Variants in KCNB2 observed in about 807,000 individuals in gnomAD.
The protein encoded by KCNB2 is potassium voltage-gated channel subfamily B member 2.
KCNB2 carries 15 observed loss-of-function variants against 61.5 expected under a neutral mutation model. That is an observed-to-expected ratio of 0.24 (90% CI 0.16 to 0.38). The LOEUF is 0.38. Among genes scored for constraint, KCNB2 ranks in the 10% least tolerant of loss-of-function variants. The probability of loss-of-function intolerance (pLI) is 1.00; values close to 1 mark genes in which losing one functional copy is unlikely to be tolerated. For synonymous variants in KCNB2, 457 were observed against 446.0 expected (o/e 1.02, Z -0.31); for missense variants, 828 against 1,125.2 (o/e 0.74, Z 3.78).
chr8:72,853,504 C>T (rs1418639652), intron 2 of KCNB2, among the ~76,000 whole-genome samples: 2 of 152,216 alleles, frequency 1.3e-5, no homozygotes, highest in Non-Finnish European at 1.5e-5. Context: ...ACAAGAATCC[C>T]TGTCTCAGGC....
intron 2 of KCNB2, among the ~76,000 whole-genome samples, chr8:72,570,307 T>C (rs1806689187): frequency 6.6e-6 from 1 of 152,206 alleles, no homozygotes; most frequent in South Asian, 2.1e-4. Flanking sequence ...TGTTTCCACA[T>C]TGTTAATCAA....
chr8:72,773,546 G>A (rs1808597546), intron 2 of KCNB2, among the ~76,000 whole-genome samples: 1 of 152,186 alleles, frequency 6.6e-6, no homozygotes, highest in African/African-American at 2.4e-5. Flanking sequence ...CATGGTGGGA[G>A]GGAGATAGTA....
intron 2 of KCNB2, among the ~76,000 whole-genome samples, chr8:72,687,616 A>G (rs1255233401): frequency 6.6e-5 from 10 of 152,202 alleles, no homozygotes; most frequent in South Asian, 2.1e-4. Flanking sequence ...CGTTAACCCT[A>G]AGGCCACAAA....
intron 2 of KCNB2, among the ~76,000 whole-genome samples, chr8:72,645,307 C>T (rs1347060023): frequency 6.6e-6 from 1 of 152,110 alleles, no homozygotes; most frequent in Non-Finnish European, 1.5e-5. Flanking sequence ...TTTACAGGCT[C>T]CTTACAGACC....
intron 2 of KCNB2, among the ~76,000 whole-genome samples, chr8:72,812,213 A>C (rs1407114003): frequency 1.3e-5 from 2 of 152,090 alleles, no homozygotes; most frequent in Non-Finnish European, 1.5e-5. Flanking sequence ...GGTTACAGTG[A>C]GCAGAGATCG....
At chr8:72,800,306 C>T (rs759032387) in intron 2 of KCNB2, among the ~76,000 whole-genome samples, 2 of 152,070 alleles carry the variant, frequency 1.3e-5, no homozygotes, top group Admixed American at 6.6e-5. Context: ...GAAAACAGTC[C>T]GATTTATTTT....
intron 2 of KCNB2, among the ~76,000 whole-genome samples, chr8:72,700,881 C>A (rs2128990977): frequency 6.6e-6 from 1 of 152,250 alleles, no homozygotes; most frequent in East Asian, 1.9e-4. Context: ...ACATATACAC[C>A]ATGGAAAACT....
At chr8:72,645,415 G>A (rs980933791) in intron 2 of KCNB2, among the ~76,000 whole-genome samples, 1 of 152,070 alleles carries the variant, frequency 6.6e-6, no homozygotes, top group Non-Finnish European at 1.5e-5. Flanking sequence ...GCTCGCAAGT[G>A]CATCATTTTT....
intron 2 of KCNB2, among the ~76,000 whole-genome samples, chr8:72,635,457 A>C (rs1289292136): frequency 2.6e-5 from 4 of 152,154 alleles, no homozygotes; most frequent in Non-Finnish European, 4.4e-5. Context: ...TGCCTGGTTG[A>C]CAGGAAAGGC....
intron 2 of KCNB2, among the ~76,000 whole-genome samples, chr8:72,679,036 T>A (rs1286045762): frequency 3.3e-5 from 5 of 152,216 alleles, no homozygotes; most frequent in East Asian, 3.9e-4. Context: ...ATGATTTTTT[T>A]AATGATTAAG....
At chr8:72,768,138 A>G (rs1808491645) in intron 2 of KCNB2, among the ~76,000 whole-genome samples, 1 of 152,088 alleles carries the variant, frequency 6.6e-6, no homozygotes, top group African/African-American at 2.4e-5. Flanking sequence ...TGTTGTTCAA[A>G]TATTTCATAT....
chr8:72,760,255 T>C (rs1808355614), intron 2 of KCNB2, among the ~76,000 whole-genome samples: 2 of 152,182 alleles, frequency 1.3e-5, no homozygotes, highest in Non-Finnish European at 2.9e-5. Context: ...TTCCATTCTC[T>C]TAACTTGGAA....
chr8:72,931,526 T>G (rs1050829210), intron 2 of KCNB2, among the ~76,000 whole-genome samples: 1 of 152,200 alleles, frequency 6.6e-6, no homozygotes, highest in African/African-American at 2.4e-5. Context: ...CCCTTGTAAG[T>G]TGGATTCCTA....
intron 2 of KCNB2, among the ~76,000 whole-genome samples, chr8:72,774,399 G>T (rs1209075768): frequency 3.9e-5 from 6 of 152,280 alleles, no homozygotes; most frequent in Admixed American, 3.3e-4. Flanking sequence ...CACCCAGGCT[G>T]GAGTGCAGTG....
intron 2 of KCNB2, among the ~76,000 whole-genome samples, chr8:72,590,564 A>T (rs1351476140): frequency 2.6e-5 from 4 of 152,216 alleles, no homozygotes; most frequent in African/African-American, 9.6e-5. Context: ...ATGAGCTTTC[A>T]TATGAGTATA....
chr8:72,792,585 C>A (rs1808963464), intron 2 of KCNB2, among the ~76,000 whole-genome samples: 1 of 152,152 alleles, frequency 6.6e-6, no homozygotes, highest in Non-Finnish European at 1.5e-5. Context: ...AGGGAAAAAA[C>A]TTTAAAAAAT....
intron 2 of KCNB2, among the ~76,000 whole-genome samples, chr8:72,855,544 C>G (rs1810193532): frequency 6.6e-6 from 1 of 152,122 alleles, no homozygotes; most frequent in African/African-American, 2.4e-5. Context: ...TCTCCATATT[C>G]TTTGTTATAT....
intron 2 of KCNB2, among the ~76,000 whole-genome samples, chr8:72,863,940 G>A (rs1395551810): frequency 6.6e-6 from 1 of 152,164 alleles, no homozygotes; most frequent in Non-Finnish European, 1.5e-5. Context: ...GGAGGCAGAG[G>A]TTGCAGTAAA....
Position 72,670,652 on chromosome 8 carries a change from G to A in KCNB2, c.579+102339G>A, listed in dbSNP as rs900838770. Reference sequence around the variant, plus strand: ...GATCAGATTAATATTCCAGAAGTAAGAGTGTCTGTAGAAATAAGTACAAAT... The same window carrying A: ...GATCAGATTAATATTCCAGAAGTAAAAGTGTCTGTAGAAATAAGTACAAAT... On this transcript the variant is annotated intron_variant, in intron 2 of 2. Transcript: ENST00000523207. 5.3e-5 allele frequency among the ~76,000 whole-genome samples: 8 copies of A among 152,278 alleles called. No individual in the cohort carries two copies. The East Asian group carries it at 1.5e-3, about 29-fold the overall frequency.
Sources: gnomAD v4.1 joint callset for allele counts (sites outside exome capture counted in the v4.1 genomes callset) on GRCh38, gnomAD v4.1.1 for gene constraint, MANE v1.5 for transcripts, NCBI Gene and HGNC (gene_info 2026-07-23, HGNC 2026-07-21) for gene names.